FUT8: variants seen among roughly 807,000 people sequenced by gnomAD.
FUT8 encodes alpha-(1,6)-fucosyltransferase.
In FUT8, 29 loss-of-function variants were observed where a neutral mutation model predicts 71.3. The observed-to-expected ratio is 0.41, with a 90% CI of 0.30 to 0.55. The LOEUF (loss-of-function observed/expected upper bound fraction) is 0.55, where lower values mean the gene tolerates loss of function less well. Among genes scored for constraint, FUT8 ranks in the 20% least tolerant of loss-of-function variants. The pLI is 0.34. For missense variants in FUT8, 544 were observed against 702.1 expected (o/e 0.77, Z 2.55); for synonymous variants, 254 against 239.3 (o/e 1.06, Z -0.57).
chr14:65,370,116 AGT>A, the FUT8 span, among the ~76,000 whole-genome samples: 1 of 151,590 alleles, frequency 6.6e-6, no homozygotes, highest in Non-Finnish European at 1.5e-5. Flanking sequence ...TGGTAACTAC[AGT>A]GTTTCTCCCA....
At chr14:65,565,566 C>T (rs1886150026) in intron 3 of FUT8, among the ~76,000 whole-genome samples, 1 of 151,912 alleles carries the variant, frequency 6.6e-6, no homozygotes, top group Admixed American at 6.6e-5. Flanking sequence ...GCATATTTAA[C>T]TTTATAAGAA....
intron 2 of FUT8, among the ~76,000 whole-genome samples, chr14:65,532,848 A>G (rs1349376528): frequency 6.6e-6 from 1 of 152,210 alleles, no homozygotes; most frequent in Non-Finnish European, 1.5e-5. Context: ...AATCTTCTGC[A>G]TACGGCTAGC....
intron 7 of FUT8, 61 bp from the exon 8 acceptor site, chr14:65,721,714 T>C (rs1003138181): frequency 8.5e-6 from 13 of 1,538,328 alleles, no homozygotes; most frequent in South Asian, 4.6e-5. Flanking sequence ...TAAGTTCTTG[T>C]TGAATGGTGG....
At chr14:65,626,977 T>C (rs983961810) in intron 5 of FUT8, among the ~76,000 whole-genome samples, 1 of 152,226 alleles carries the variant, frequency 6.6e-6, no homozygotes, top group African/African-American at 2.4e-5. Flanking sequence ...ACTGGATTTG[T>C]AAAAGATAAA....
the FUT8 span, among the ~76,000 whole-genome samples, chr14:65,403,310 C>T: frequency 4.8e-4 from 73 of 152,224 alleles, no homozygotes; most frequent in East Asian, 8.7e-3. Flanking sequence ...TAAAGTTTCC[C>T]AAGGTCTCAC....
At chr14:65,451,011 C>T (rs193230916) in intron 1 of FUT8, among the ~76,000 whole-genome samples, 78 of 152,130 alleles carry the variant, frequency 5.1e-4, no homozygotes, top group African/African-American at 1.7e-3. Flanking sequence ...CGCCTGCCAC[C>T]GCACCCCGCT....
intron 7 of FUT8, among the ~76,000 whole-genome samples, chr14:65,681,687 C>G (rs1249653472): frequency 6.6e-6 from 1 of 152,132 alleles, no homozygotes; most frequent in Non-Finnish European, 1.5e-5. Context: ...AGTGAATATA[C>G]TGAGTACTGC....
At chr14:65,412,510 G>C, upstream of FUT8, 1 of 359,168 alleles carries the variant, frequency 2.8e-6, no homozygotes, top group Non-Finnish European at 5.5e-6. Flanking sequence ...GTGCGAGCCG[G>C]AGCCGGCGTG....
chr14:65,598,469 C>A (rs1310598218), intron 3 of FUT8, among the ~76,000 whole-genome samples: 4 of 152,186 alleles, frequency 2.6e-5, no homozygotes, highest in Non-Finnish European at 5.9e-5. Context: ...GATCCACCCG[C>A]CTCGGCCTCC....
chr14:65,609,980 C>T (rs1167002885), intron 3 of FUT8, among the ~76,000 whole-genome samples: 1 of 151,452 alleles, frequency 6.6e-6, no homozygotes, highest in Non-Finnish European at 1.5e-5. Flanking sequence ...GCTATTGTAA[C>T]TAATAATGTG....
At chr14:65,634,038 C>T (rs1265510783) in intron 6 of FUT8, among the ~76,000 whole-genome samples, 4 of 152,194 alleles carry the variant, frequency 2.6e-5, no homozygotes, top group Non-Finnish European at 5.9e-5. Context: ...CCCCTCTGCC[C>T]GGCCACCACC....
chr14:65,529,590 C>T (rs1566805101), intron 2 of FUT8: 1 of 152,830 alleles, frequency 6.5e-6, no homozygotes, highest in African/African-American at 2.4e-5. Context: ...CAATGGCAGC[C>T]TTACGGTGTC....
At chr14:65,475,134 A>G (rs1251627250) in intron 2 of FUT8, among the ~76,000 whole-genome samples, 1 of 152,130 alleles carries the variant, frequency 6.6e-6, no homozygotes, top group African/African-American at 2.4e-5. Flanking sequence ...CTTTTTCCTC[A>G]ACAAGCGTAG....
At chr14:65,492,158 G>A (rs887606275) in intron 2 of FUT8, among the ~76,000 whole-genome samples, 3 of 152,180 alleles carry the variant, frequency 2.0e-5, no homozygotes, top group Admixed American at 6.5e-5. Flanking sequence ...ACATGAAAGT[G>A]TTTTAAAAAC....
At chr14:65,401,712 A>G in the FUT8 span, among the ~76,000 whole-genome samples, 6 of 152,246 alleles carry the variant, frequency 3.9e-5, no homozygotes, top group African/African-American at 1.4e-4. Flanking sequence ...AGTCTGGCCA[A>G]CATGATGAAA....
intron 2 of FUT8, among the ~76,000 whole-genome samples, chr14:65,487,985 G>A (rs925459502): frequency 2.0e-5 from 3 of 152,002 alleles, no homozygotes; most frequent in Non-Finnish European, 2.9e-5. Flanking sequence ...GTGCCACCAC[G>A]TCTGGCTAAA....
At chr14:65,393,352 G>A in the FUT8 span, among the ~76,000 whole-genome samples, 1 of 152,206 alleles carries the variant, frequency 6.6e-6, no homozygotes, top group Admixed American at 6.5e-5. Context: ...CTGTGCTGTG[G>A]AAATTGTGGA....
the FUT8 span, among the ~76,000 whole-genome samples, chr14:65,374,137 G>A: frequency 6.6e-6 from 1 of 152,006 alleles, no homozygotes; most frequent in African/African-American, 2.4e-5. Context: ...TCTTAATATT[G>A]TTTATTTCTC....
At chr14:65,612,283 A>G (rs538817848) in intron 3 of FUT8, among the ~76,000 whole-genome samples, 8 of 152,296 alleles carry the variant, frequency 5.3e-5, no homozygotes, top group East Asian at 1.9e-4. Context: ...TTGTCTTTTA[A>G]TAATTGTTAA....
Sources: gnomAD v4.1 joint callset for allele counts (sites outside exome capture counted in the v4.1 genomes callset) on GRCh38, gnomAD v4.1.1 for gene constraint, MANE v1.5 for transcripts, NCBI Gene and HGNC (gene_info 2026-07-23, HGNC 2026-07-21) for gene names.